The following PGBD5 variants were observed in gnomAD, a reference collection of about 807,000 sequenced individuals.
PGBD5 encodes piggyBac transposable element-derived protein 5.
PGBD5 carries 14 observed loss-of-function variants against 47.9 expected under a neutral mutation model. The observed-to-expected ratio is 0.29, with a 90% CI of 0.19 to 0.46. The LOEUF (loss-of-function observed/expected upper bound fraction) is 0.46, where lower values mean the gene tolerates loss of function less well. Among genes scored for constraint, PGBD5 ranks in the 20% least tolerant of loss-of-function variants. The probability of loss-of-function intolerance (pLI) is 1.00; values close to 1 mark genes in which losing one functional copy is unlikely to be tolerated. For missense variants in PGBD5, 635 were observed against 716.0 expected, an observed-to-expected ratio of 0.89 and a Z score of 1.29; for synonymous variants, 316 against 306.3, an observed-to-expected ratio of 1.03 and a Z score of -0.33.
At chr1:230,392,623 G>C (rs1656816627) in intron 1 of PGBD5, among the ~76,000 whole-genome samples, 1 of 152,168 alleles carries the variant, frequency 6.6e-6, no homozygotes, top group Non-Finnish European at 1.5e-5. Context: ...CTCCTTGCAA[G>C]CGTGTCCTTC....
chr1:230,348,808 A>G (rs1045814779), intron 3 of PGBD5, among the ~76,000 whole-genome samples: 11 of 152,200 alleles, frequency 7.2e-5, no homozygotes, highest in African/African-American at 2.4e-4. Context: ...GGGGCTGAGA[A>G]AGTTCTCATG....
chr1:230,384,850 C>G (rs1368166460), intron 1 of PGBD5, among the ~76,000 whole-genome samples: 1 of 152,152 alleles, frequency 6.6e-6, no homozygotes, highest in African/African-American at 2.4e-5. Flanking sequence ...TAACCCATTG[C>G]TCTAAAAAGC....
intron 1 of PGBD5, among the ~76,000 whole-genome samples, chr1:230,394,998 C>T (rs1656893883): frequency 7.1e-6 from 1 of 140,024 alleles, no homozygotes; most frequent in Non-Finnish European, 1.6e-5. Context: ...CCTCTCCTCC[C>T]ACTCCTCCCC....
chr1:230,389,174 CTTT>C (rs5781582), intron 1 of PGBD5, among the ~76,000 whole-genome samples: 3 of 142,626 alleles, frequency 2.1e-5, no homozygotes, highest in Admixed American at 7.0e-5. Context: ...CATTTTCTTT[CTTT>C]TTTTTTTTTT....
intron 1 of PGBD5, chr1:230,377,602 C>A (rs779606394): frequency 1.3e-6 from 2 of 1,566,846 alleles, no homozygotes; most frequent in Non-Finnish European, 1.7e-6. Context: ...GAAGAGAGCT[C>A]GAGTTCTGTA....
intron 1 of PGBD5, among the ~76,000 whole-genome samples, chr1:230,366,723 G>T (rs959594813): frequency 1.3e-5 from 2 of 152,044 alleles, no homozygotes; most frequent in Admixed American, 1.3e-4. Flanking sequence ...GGATTAAGTG[G>T]GATGAGGTGG....
chr1:230,411,444 T>G (rs6659195), intron 1 of PGBD5, among the ~76,000 whole-genome samples: 33,094 of 152,054 alleles, frequency 0.22, 4,095 homozygotes, highest in Admixed American at 0.38. Context: ...AGCCTTAGAA[T>G]AAACAAATGA....
chr1:230,344,309 C>T (rs1425773613), intron 3 of PGBD5, among the ~76,000 whole-genome samples: 1 of 152,036 alleles, frequency 6.6e-6, no homozygotes, highest in South Asian at 2.1e-4. Context: ...AAGGTGAGAT[C>T]TAGAGTCAGA....
intron 1 of PGBD5, among the ~76,000 whole-genome samples, chr1:230,419,838 G>A (rs1657609944): frequency 6.6e-6 from 1 of 152,134 alleles, no homozygotes; most frequent in Admixed American, 6.6e-5. Flanking sequence ...GTAAGCTTAA[G>A]CTTCAGGCCA....
intron 3 of PGBD5, among the ~76,000 whole-genome samples, chr1:230,342,053 G>C (rs1256741744): frequency 1.3e-5 from 2 of 152,052 alleles, no homozygotes; most frequent in African/African-American, 4.8e-5. Flanking sequence ...AATACCCTGG[G>C]GGACACATAC....
rs571727292 is a variant in PGBD5 at position 230,363,455 on chromosome 1, G to A, written c.332-6134C>T. ...AAATTAGCTGGGTGTGGTGGCGGGC[G>A]CCTGTAGTCCCAGCTACTCGGAAGG... On this transcript the variant is annotated intron_variant, in intron 1 of 6. Transcript: ENST00000391860. 7.5e-4 allele frequency among the ~76,000 whole-genome samples: 114 copies of A among 152,184 alleles called. 2 individuals are homozygous for A. The South Asian group carries it at 0.022, about 29-fold the overall frequency.
chr1:230,347,990 C>G (rs1298463345), intron 3 of PGBD5, among the ~76,000 whole-genome samples: 1 of 152,218 alleles, frequency 6.6e-6, no homozygotes, highest in Non-Finnish European at 1.5e-5. Context: ...TTTTCACATA[C>G]CACAGCTGCC....
intron 1 of PGBD5, among the ~76,000 whole-genome samples, chr1:230,396,683 A>G (rs1322676201): frequency 6.6e-6 from 1 of 151,430 alleles, no homozygotes; most frequent in African/African-American, 2.4e-5. Flanking sequence ...CATCATAGGA[A>G]GGGCCTGGCT....
chr1:230,372,715 T>C (rs547351437), intron 1 of PGBD5, among the ~76,000 whole-genome samples: 1 of 152,332 alleles, frequency 6.6e-6, no homozygotes, highest in African/African-American at 2.4e-5. Flanking sequence ...ATGGAAGTTA[T>C]TTACTCTACT....
At chr1:230,411,153 C>G (rs1370243977) in intron 1 of PGBD5, among the ~76,000 whole-genome samples, 1 of 152,052 alleles carries the variant, frequency 6.6e-6, no homozygotes, top group Non-Finnish European at 1.5e-5. Flanking sequence ...TATGGTGGCA[C>G]ACGCCTGTAG....
In PGBD5 at chr1:230,345,437, C is replaced by G. The variant is rs148166017; in HGVS notation, c.894+5521G>C. Among the ~76,000 whole-genome samples the G allele has an allele frequency of 1.3e-4, 20 of 152,322 alleles. No individual in the cohort carries two copies. The East Asian group carries it at 3.9e-3, about 29-fold the overall frequency. ...CCTCCTTGGCTCACAGGGGAGCCTG[C>G]AGATGAGGGGAGAGGAGGGGAAACC... On this transcript the variant is annotated intron_variant, in intron 3 of 6. Coordinates refer to ENST00000391860, the MANE Select transcript of PGBD5 (RefSeq NM_001258311.2).
Position 230,357,816 on chromosome 1 carries a change from T to C in PGBD5, c.332-495A>G, listed in dbSNP as rs573985470. 3.2e-3 allele frequency among the ~76,000 whole-genome samples: 493 copies of C among 152,322 alleles called. 3 individuals carry two copies. The highest frequency in any genetic ancestry group is 0.014 in the Middle Eastern group (4 of 294). Reference sequence around the variant, plus strand: ...TGTTTAAATATATATATCATATAAATGTATACATCAACATGTAAGTTTTAA... The same window carrying C: ...TGTTTAAATATATATATCATATAAACGTATACATCAACATGTAAGTTTTAA... On this transcript the variant is annotated intron_variant, in intron 1 of 6. Coordinates refer to ENST00000391860, the MANE Select transcript of PGBD5 (RefSeq NM_001258311.2). This position sits in a 1 kb window ranked among gnomAD's most constrained non-coding sequence, Gnocchi z 5.7.
chr1:230,413,463 G>A (rs773969886), intron 1 of PGBD5, among the ~76,000 whole-genome samples: 2 of 152,060 alleles, frequency 1.3e-5, no homozygotes, highest in African/African-American at 2.4e-5. Flanking sequence ...TCGCATCATC[G>A]CACTCCAGCC....
intron 3 of PGBD5, among the ~76,000 whole-genome samples, chr1:230,345,329 G>C (rs1451822176): frequency 6.6e-6 from 1 of 152,186 alleles, no homozygotes; most frequent in East Asian, 1.9e-4. Flanking sequence ...CAGCGTCTTG[G>C]ATTGAGGAAC....
Sources: allele counts gnomAD v4.1 joint callset (sites outside exome capture counted in the v4.1 genomes callset), GRCh38; gene constraint gnomAD v4.1.1; non-coding constraint Gnocchi (gnomAD v3.1); transcripts MANE v1.5; gene names NCBI Gene and HGNC (gene_info 2026-07-23, HGNC 2026-07-21).